MAF: variants seen among roughly 807,000 people sequenced by gnomAD.
MAF encodes the protein transcription factor Maf.
In MAF, 10 loss-of-function variants were observed where a neutral mutation model predicts 22.0. That is an observed-to-expected ratio of 0.45 (90% confidence interval 0.28 to 0.77). The LOEUF (loss-of-function observed/expected upper bound fraction) is 0.77, where lower values mean the gene tolerates loss of function less well. Among genes scored for constraint, MAF ranks in the 30% least tolerant of loss-of-function variants. MAF has a pLI of 0.12. For synonymous variants in MAF, 337 were observed against 255.8 expected, an observed-to-expected ratio of 1.32 and a Z score of -3.03; for missense variants, 544 against 548.4, an observed-to-expected ratio of 0.99 and a Z score of 0.08.
the MAF span, among the ~76,000 whole-genome samples, chr16:79,542,430 T>G: frequency 1.3e-5 from 2 of 152,162 alleles, no homozygotes; most frequent in African/African-American, 2.4e-5. Context: ...GGCTGGTGTC[T>G]CCCAAGCAAC....
rs1410135177 is a variant in MAF, at chr16:79,600,081, C to T, written c.-179G>A. The T allele has an allele frequency of 2.7e-6, 2 of 734,438 alleles. No individual in the cohort carries two copies. Among genetic ancestry groups the T allele is most frequent in the Non-Finnish European group, 2.1e-6 (1 of 480,238 alleles). The allele number at this position is 734,438 out of a possible 1,614,324, so 45.5% of individuals were successfully genotyped here. ...GCGCGCTCACACACACACCCCCCCG[C>T]CCTGCCCGCGCCCCCCGCGCCCGCC... On this transcript the variant is annotated 5_prime_UTR_variant, in exon 1 of 2. Transcript: ENST00000326043.
chr16:79,340,626 T>G, the MAF span, among the ~76,000 whole-genome samples: 2 of 151,762 alleles, frequency 1.3e-5, no homozygotes, highest in Admixed American at 6.6e-5. Flanking sequence ...TCAGACAACT[T>G]TATATGCAAA....
chr16:79,511,101 A>G, the MAF span, among the ~76,000 whole-genome samples: 34 of 44,180 alleles, frequency 7.7e-4, no homozygotes, highest in East Asian at 2.5e-3. Flanking sequence ...CCCGCGCACA[A>G]TGGCGGGGTG....
chr16:79,534,485 A>T, the MAF span, among the ~76,000 whole-genome samples: 8 of 151,788 alleles, frequency 5.3e-5, no homozygotes, highest in Admixed American at 5.3e-4. Context: ...GATGAATTAC[A>T]TGCGATATCC....
the MAF span, among the ~76,000 whole-genome samples, chr16:79,300,016 T>C: frequency 1.3e-5 from 2 of 152,188 alleles, no homozygotes; most frequent in African/African-American, 4.8e-5. Context: ...CTAGGGAGCC[T>C]TCCTTATGGC....
At chr16:79,539,270 G>T in the MAF span, among the ~76,000 whole-genome samples, 1 of 152,208 alleles carries the variant, frequency 6.6e-6, no homozygotes, top group Non-Finnish European at 1.5e-5. Flanking sequence ...TCGGGAGGCC[G>T]AGCCGGGTGG....
At chr16:79,303,503 T>A in the MAF span, among the ~76,000 whole-genome samples, 2 of 152,188 alleles carry the variant, frequency 1.3e-5, no homozygotes, top group Non-Finnish European at 2.9e-5. Context: ...TCTCTTGCCT[T>A]TGACCTTAGG....
chr16:79,285,378 CTTCCTTCTTGATAGCTCCT>C, the MAF span, among the ~76,000 whole-genome samples: 351 of 152,174 alleles, frequency 2.3e-3, 1 homozygote, highest in Non-Finnish European at 2.4e-3. Flanking sequence ...AGAATTAGGG[CTTCCTTCTTGATAGCTCCT>C]TTAGGATTAG....
chr16:79,534,583 G>C, the MAF span, among the ~76,000 whole-genome samples: 107,781 of 147,362 alleles, frequency 0.73, 42,240 homozygotes, highest in Non-Finnish European at 0.87. Context: ...ACCGGGGCCT[G>C]TCATGGGATG....
chr16:79,432,099 G>C, the MAF span, among the ~76,000 whole-genome samples: 1 of 152,186 alleles, frequency 6.6e-6, no homozygotes, highest in Non-Finnish European at 1.5e-5. Context: ...GCGGGACTAG[G>C]TGGAGGTAAA....
At chr16:79,205,650 G>T in the MAF span, 1 of 152,194 alleles carries the variant, frequency 6.6e-6, no homozygotes, top group Non-Finnish European at 1.5e-5. Flanking sequence ...AATAGCCTGT[G>T]AGTTAGCAAA....
the MAF span, among the ~76,000 whole-genome samples, chr16:79,416,815 GT>G: frequency 6.6e-6 from 1 of 152,188 alleles, no homozygotes; most frequent in African/African-American, 2.4e-5. Flanking sequence ...CCGCTGTGTT[GT>G]TTTTTGACTA....
At chr16:79,520,086 T>C in the MAF span, among the ~76,000 whole-genome samples, 17 of 152,322 alleles carry the variant, frequency 1.1e-4, no homozygotes, top group Non-Finnish European at 2.5e-4. Flanking sequence ...TTGCAAAGAC[T>C]AGGGCCTCTT....
intron 1 of MAF, chr16:79,596,631 AG>A (rs1369374556): frequency 1.9e-6 from 2 of 1,040,292 alleles, no homozygotes; most frequent in Non-Finnish European, 2.3e-6. Context: ...GTAAAAGAAA[AG>A]TAACTGACAA....
At chr16:79,558,149 T>C in the MAF span, among the ~76,000 whole-genome samples, 1 of 152,072 alleles carries the variant, frequency 6.6e-6, no homozygotes, top group African/African-American at 2.4e-5. Context: ...GGGTCTTGGG[T>C]TTTTCCTGCC....
At chr16:79,493,575 A>T in the MAF span, among the ~76,000 whole-genome samples, 1 of 152,172 alleles carries the variant, frequency 6.6e-6, no homozygotes, top group Non-Finnish European at 1.5e-5. Context: ...TGGTCTCCCA[A>T]GTGCTGGGAT....
chr16:79,289,585 T>A, the MAF span, among the ~76,000 whole-genome samples: 10 of 152,172 alleles, frequency 6.6e-5, no homozygotes, highest in African/African-American at 2.2e-4. Context: ...CGGATGAGTG[T>A]GTCATGGCTG....
At chr16:79,562,058 G>A in the MAF span, among the ~76,000 whole-genome samples, 6 of 152,092 alleles carry the variant, frequency 3.9e-5, no homozygotes, top group Non-Finnish European at 7.4e-5. Context: ...GGTCTTCAGC[G>A]TTCTAACACA....
At chr16:79,401,679 T>C in the MAF span, among the ~76,000 whole-genome samples, 1 of 152,042 alleles carries the variant, frequency 6.6e-6, no homozygotes, top group Non-Finnish European at 1.5e-5. Flanking sequence ...ATAGTGATAA[T>C]AATAATAATC....
Sources: allele counts gnomAD v4.1 joint callset (sites outside exome capture counted in the v4.1 genomes callset), GRCh38; gene constraint gnomAD v4.1.1; transcripts MANE v1.5; gene names NCBI Gene and HGNC (gene_info 2026-07-23, HGNC 2026-07-21).